HAUS7: variants seen among roughly 807,000 people sequenced by gnomAD.
HAUS7 encodes the protein HAUS augmin like complex subunit 7, also known as HAUS augmin-like complex subunit 7.
Under a neutral mutation model 28.4 loss-of-function variants are expected in HAUS7, and 3 were observed. The ratio of observed to expected loss-of-function variants is 0.11; its 90% confidence interval spans 0.05 to 0.27. The LOEUF (loss-of-function observed/expected upper bound fraction) is 0.27. HAUS7 is among the 10% of genes least tolerant of loss of function. HAUS7 has a pLI of 1.00. For missense variants in HAUS7, 284 were observed against 297.3 expected, an observed-to-expected ratio of 0.96 and a Z score of 0.33; for synonymous variants, 165 against 132.1, an observed-to-expected ratio of 1.25 and a Z score of -1.71.
chrX:153,485,137 C>T (rs1307197825), intron 1 of HAUS7, among the ~76,000 whole-genome samples: 2 of 112,174 alleles, frequency 1.8e-5, no homozygotes, highest in Non-Finnish European at 3.8e-5. Context: ...CTGAAGGTGG[C>T]AGCCTGAACT....
chrX:153,459,562 G>A (rs782108689), intron 4 of HAUS7, among the ~76,000 whole-genome samples: 34 of 111,680 alleles, frequency 3.0e-4, no homozygotes, highest in Non-Finnish European at 5.3e-4. Flanking sequence ...GCCCCTCTCT[G>A]ACTATTGCTA....
chrX:153,480,570 C>T (rs1172952722), intron 1 of HAUS7: 16 of 753,502 alleles, frequency 2.1e-5, no homozygotes, highest in Non-Finnish European at 2.5e-5. Flanking sequence ...CACACTGGCT[C>T]CTTCCGCAGG....
At chrX:153,471,688 G>T (rs988108412), upstream of HAUS7, among the ~76,000 whole-genome samples, 8 of 112,314 alleles carry the variant, frequency 7.1e-5, no homozygotes, top group Admixed American at 4.7e-4. Context: ...GGATCAGGGG[G>T]CAAGTCTATA....
At chrX:153,452,354 A>G (rs1556981207) in intron 9 of HAUS7, among the ~76,000 whole-genome samples, 2 of 112,278 alleles carry the variant, frequency 1.8e-5, no homozygotes, top group Admixed American at 9.4e-5. Context: ...AGGTAACAAC[A>G]TCGATAAATA....
chrX:153,462,181 GAGA>G, intron 4 of HAUS7: 1 of 1,015,474 alleles, frequency 9.8e-7, no homozygotes, highest in Non-Finnish European at 1.3e-6. Context: ...ATTTAGAAAC[GAGA>G]AGGTGGGTGC....
intron 2 of HAUS7, among the ~76,000 whole-genome samples, chrX:153,468,228 T>C (rs2089477800): frequency 8.9e-6 from 1 of 112,364 alleles, no homozygotes; most frequent in Non-Finnish European, 1.9e-5. Context: ...GGATGCAGGT[T>C]GGCTCCCCAC....
At chrX:153,455,230 GCCAA>G in intron 8 of HAUS7, 1 of 432,136 alleles carries the variant, frequency 2.3e-6, no homozygotes, top group Non-Finnish European at 4.1e-6. Flanking sequence ...CAACAGTGCG[GCCAA>G]CACAGGAACA....
intron 4 of HAUS7, chrX:153,462,368 C>A (rs1258631930): frequency 2.3e-5 from 4 of 170,259 alleles, no homozygotes; most frequent in Non-Finnish European, 3.8e-5. Flanking sequence ...CCTCCCTGCA[C>A]GGCTGCCCTC....
intron 3 of HAUS7, 98 bp downstream of exon 3, chrX:153,464,890 T>G: frequency 1.7e-6 from 1 of 598,535 alleles, no homozygotes; most frequent in South Asian, 2.5e-5. Flanking sequence ...CCACACAACA[T>G]GCACCACCTA....
chrX:153,458,928 T>A (rs1022631872), intron 4 of HAUS7, among the ~76,000 whole-genome samples: 1 of 111,647 alleles, frequency 9.0e-6, no homozygotes, highest in Non-Finnish European at 1.9e-5. Context: ...CTGGCTAATT[T>A]TTTACTTTTT....
Position 153,483,519 on chromosome X carries a change from G to A in HAUS7, c.-589+11855C>T, listed in dbSNP as rs1371783129. 12 of 728,432 alleles carry A rather than the reference G, an allele frequency of 1.6e-5. No individual in the cohort carries two copies. The African/African-American group carries it at 1.9e-4, about 11-fold the overall frequency. The allele number at this position is 728,432 out of a possible 1,213,427, so 60.0% of individuals were successfully genotyped here. A position where few individuals can be genotyped will look rare whatever the true frequency, so the allele number is the denominator to read the frequency against. ...AGCAAGGATGGCCCAGAGCAGCCCC[G>A]AGAGGCAGGTGGGGAAGGCGGAGAG... On this transcript the variant is annotated intron_variant, in intron 1 of 5. Coordinates refer to the HAUS7 transcript ENST00000370210.
At chrX:153,485,735 C>T (rs2089632204) in intron 1 of HAUS7, 3 of 806,421 alleles carry the variant, frequency 3.7e-6, no homozygotes, top group Admixed American at 7.0e-5. Context: ...TGCCAACCGT[C>T]AGCTCCCTCT....
chrX:153,473,936 G>A (rs2089545538), upstream of HAUS7, among the ~76,000 whole-genome samples: 1 of 112,342 alleles, frequency 8.9e-6, no homozygotes, highest in Non-Finnish European at 1.9e-5. Flanking sequence ...CAGGTCTTGC[G>A]GGCAGCCCAC....
At chrX:153,459,583 G>A (rs1478781530) in intron 4 of HAUS7, among the ~76,000 whole-genome samples, 1 of 111,734 alleles carries the variant, frequency 8.9e-6, no homozygotes, top group Non-Finnish European at 1.9e-5. Flanking sequence ...GTTGGCTCCT[G>A]AGTCCCTCGG....
At chrX:153,476,925 C>T in intron 1 of HAUS7, among the ~76,000 whole-genome samples, 1 of 112,696 alleles carries the variant, frequency 8.9e-6, no homozygotes, top group Non-Finnish European at 1.9e-5. Context: ...TTGCCGGGAG[C>T]CTCTGGCTCT....
intron 9 of HAUS7, 22 bp downstream of exon 9, chrX:153,454,372 G>A: frequency 1.1e-6 from 1 of 934,359 alleles, no homozygotes; most frequent in Admixed American, 2.2e-5. Flanking sequence ...CCAGGCAGAG[G>A]GCCAGGTGGG....
upstream of HAUS7, among the ~76,000 whole-genome samples, chrX:153,472,134 C>T (rs782608987): frequency 1.8e-5 from 2 of 111,125 alleles, no homozygotes; most frequent in South Asian, 7.6e-4. Context: ...TCCCCATATT[C>T]TCTGCTCCTG....
upstream of HAUS7, among the ~76,000 whole-genome samples, chrX:153,473,265 CAAAG>C (rs782557782): frequency 8.8e-6 from 1 of 113,026 alleles, no homozygotes; most frequent in East Asian, 2.8e-4. Context: ...CACCGCGAAT[CAAAG>C]GAAGCTGAAG....
chrX:153,459,228 T>C (rs1445578835), intron 4 of HAUS7, among the ~76,000 whole-genome samples: 1 of 112,129 alleles, frequency 8.9e-6, no homozygotes, highest in Admixed American at 9.5e-5. Flanking sequence ...TTGTCCATTT[T>C]TGAACTGGGT....
Sources: allele counts gnomAD v4.1 joint callset (sites outside exome capture counted in the v4.1 genomes callset), GRCh38; gene constraint gnomAD v4.1.1; transcripts MANE v1.5; gene names NCBI Gene and HGNC (gene_info 2026-07-23, HGNC 2026-07-21).